DCDC1: variants seen among roughly 807,000 people sequenced by gnomAD.
DCDC1 encodes the protein doublecortin domain-containing protein 1.
In DCDC1, 200 loss-of-function variants were observed where a neutral mutation model predicts 178.3. The observed-to-expected ratio is 1.12, with a 90% CI of 1.00 to 1.26. The LOEUF is 1.26. DCDC1 is among the 50% of genes most tolerant of loss of function. The pLI is 0.00. For missense variants in DCDC1, 1,983 were observed against 1,749.2 expected, an observed-to-expected ratio of 1.13 and a Z score of -2.38; for synonymous variants, 690 against 604.8, an observed-to-expected ratio of 1.14 and a Z score of -2.07.
Position 30,884,168 on chromosome 11 carries a change from G to A in DCDC1, c.5083-2860C>T, listed in dbSNP as rs545880548. ...TCCATCTCAGTCTCCCGAGTATCTG[G>A]GACTACAGGCGTGCACCACCATGTC... On this transcript the variant is annotated intron_variant, in intron 36 of 38. Coordinates refer to ENST00000684477, the MANE Select transcript of DCDC1 (RefSeq NM_001387274.1). Among the ~76,000 whole-genome samples the A allele has an allele frequency of 4.6e-5, 7 of 151,058 alleles. No individual in the cohort carries two copies. The South Asian group carries it at 1.5e-3, about 32-fold the overall frequency.
At position 30,884,255 on chromosome 11, in the gene DCDC1, T is replaced by A. The variant is rs144869364; in HGVS notation, c.5083-2947A>T. Among the ~76,000 whole-genome samples the A allele has an allele frequency of 9.2e-3, 1,398 of 152,134 alleles. 10 individuals carry two copies. Among genetic ancestry groups the A allele is most frequent in the Non-Finnish European group, 0.014 (941 of 67,998 alleles). ...CATGTTGCCCAGGCTGGTCTCAAACTCCTGGGTTCAATCAGTCCCCCCACC... is the reference window on the plus strand; with the variant it reads ...CATGTTGCCCAGGCTGGTCTCAAACACCTGGGTTCAATCAGTCCCCCCACC... On this transcript the variant is annotated intron_variant, in intron 36 of 38. Coordinates refer to ENST00000684477, the MANE Select transcript of DCDC1 (RefSeq NM_001387274.1).
At chr11:31,114,970 G>A (rs567118397) in intron 11 of DCDC1, among the ~76,000 whole-genome samples, 1 of 152,206 alleles carries the variant, frequency 6.6e-6, no homozygotes, top group African/African-American at 2.4e-5. Context: ...TTGCTTCTTT[G>A]TTTATTAGCA....
intron 36 of DCDC1, among the ~76,000 whole-genome samples, chr11:30,892,487 T>C (rs1943872565): frequency 6.6e-6 from 1 of 151,830 alleles, no homozygotes; most frequent in African/African-American, 2.4e-5. Context: ...AAATAAATAA[T>C]GTAATAATAA....
At chr11:30,896,136 T>C (rs984049638) in intron 34 of DCDC1, among the ~76,000 whole-genome samples, 1 of 152,256 alleles carries the variant, frequency 6.6e-6, no homozygotes, top group Non-Finnish European at 1.5e-5. Flanking sequence ...AAGGTTTTTA[T>C]GATAAACTAT....
At chr11:31,093,403 A>G (rs1311749760) in intron 16 of DCDC1, among the ~76,000 whole-genome samples, 1 of 152,206 alleles carries the variant, frequency 6.6e-6, no homozygotes, top group African/African-American at 2.4e-5. Flanking sequence ...GACGGGACAA[A>G]GGGAGATACA....
intron 9 of DCDC1, among the ~76,000 whole-genome samples, chr11:31,170,808 GC>G (rs1183764886): frequency 6.6e-6 from 1 of 151,996 alleles, no homozygotes; most frequent in African/African-American, 2.4e-5. Context: ...AGGAAGATCA[GC>G]TTTTTTATTT....
At chr11:31,317,736 G>A (rs1208324700) in intron 3 of DCDC1, among the ~76,000 whole-genome samples, 1 of 44,348 alleles carries the variant, frequency 2.3e-5, no homozygotes, top group Non-Finnish European at 3.7e-5. Flanking sequence ...TCTTGTGCCA[G>A]TTTTCAAAGG....
At chr11:30,873,022 G>A (rs1941729822) in intron 38 of DCDC1, among the ~76,000 whole-genome samples, 1 of 149,300 alleles carries the variant, frequency 6.7e-6, no homozygotes, top group Non-Finnish European at 1.5e-5. Flanking sequence ...TATTTTTCAT[G>A]TATATATATA....
intron 20 of DCDC1, among the ~76,000 whole-genome samples, chr11:30,960,745 C>T (rs1436968566): frequency 1.3e-5 from 2 of 152,096 alleles, no homozygotes; most frequent in Admixed American, 1.3e-4. Flanking sequence ...AACAAAACAT[C>T]TCAGGCTTTG....
intron 38 of DCDC1, among the ~76,000 whole-genome samples, chr11:30,877,610 T>A (rs1942252881): frequency 6.6e-6 from 1 of 152,154 alleles, no homozygotes; most frequent in Non-Finnish European, 1.5e-5. Context: ...TGACTTTTGA[T>A]CACTGGGCAC....
intron 10 of DCDC1, among the ~76,000 whole-genome samples, chr11:31,135,176 G>A (rs1214197974): frequency 6.6e-6 from 1 of 152,170 alleles, no homozygotes; most frequent in Non-Finnish European, 1.5e-5. Flanking sequence ...CAGATTTTAT[G>A]ATGTTTAATT....
intron 20 of DCDC1, among the ~76,000 whole-genome samples, chr11:31,022,803 A>T (rs1396806852): frequency 1.3e-5 from 2 of 151,664 alleles, no homozygotes; most frequent in African/African-American, 4.8e-5. Flanking sequence ...ACCTGCCTCC[A>T]ACTAGATTAT....
chr11:31,098,497 T>C (rs939619066), intron 15 of DCDC1, among the ~76,000 whole-genome samples: 1 of 152,228 alleles, frequency 6.6e-6, no homozygotes, highest in African/African-American at 2.4e-5. Context: ...AAGGTTCTAC[T>C]TGTCAATAGG....
At chr11:31,362,183 G>A (rs1479351948) in intron 1 of DCDC1, among the ~76,000 whole-genome samples, 1 of 151,958 alleles carries the variant, frequency 6.6e-6, no homozygotes, top group Non-Finnish European at 1.5e-5. Context: ...AATTTAAATA[G>A]ATACAGGTAC....
intron 8 of DCDC1, among the ~76,000 whole-genome samples, chr11:31,264,031 T>C (rs1203733104): frequency 6.6e-6 from 1 of 152,214 alleles, no homozygotes; most frequent in African/African-American, 2.4e-5. Context: ...GTACATTTCA[T>C]AACTTTTTTC....
chr11:31,167,331 T>C (rs548144065), intron 9 of DCDC1, among the ~76,000 whole-genome samples: 3 of 152,324 alleles, frequency 2.0e-5, no homozygotes, highest in South Asian at 4.1e-4. Context: ...GTAAGTGTTA[T>C]GTTTTTATAG....
At chr11:31,113,657 T>C (rs1431127974) in intron 11 of DCDC1, among the ~76,000 whole-genome samples, 1 of 152,144 alleles carries the variant, frequency 6.6e-6, no homozygotes, top group Non-Finnish European at 1.5e-5. Context: ...CCATGGTGTA[T>C]ATGTACCACA....
intron 8 of DCDC1, chr11:31,263,182 A>G (rs1944909203): frequency 9.2e-7 from 1 of 1,090,770 alleles, no homozygotes; most frequent in Non-Finnish European, 1.3e-6. Flanking sequence ...CAATTCTAGC[A>G]GTTCATTCAA....
chr11:31,097,838 C>G (rs1958250456), intron 15 of DCDC1, among the ~76,000 whole-genome samples: 2 of 152,084 alleles, frequency 1.3e-5, no homozygotes, highest in Non-Finnish European at 2.9e-5. Context: ...AGAAATAGAA[C>G]AGCAAAGAGT....
Sources: gnomAD v4.1 joint callset for allele counts (sites outside exome capture counted in the v4.1 genomes callset) on GRCh38, gnomAD v4.1.1 for gene constraint, MANE v1.5 for transcripts, NCBI Gene and HGNC (gene_info 2026-07-23, HGNC 2026-07-21) for gene names.